The following CERT1 variants were observed in gnomAD, a reference collection of about 807,000 sequenced individuals.
CERT1 encodes ceramide transfer protein.
Under a neutral mutation model 87.9 loss-of-function variants are expected in CERT1, and 31 were observed. The observed-to-expected ratio is 0.35, with a 90% CI of 0.27 to 0.48. CERT1 has a LOEUF of 0.48. CERT1 is among the 20% of genes least tolerant of loss of function. The pLI is 0.99. For missense variants in CERT1, 487 were observed against 758.0 expected (o/e 0.64, Z 4.20); for synonymous variants, 289 against 250.9 (o/e 1.15, Z -1.44).
intron 2 of CERT1, among the ~76,000 whole-genome samples, chr5:75,497,259 T>A (rs1767120069): frequency 6.6e-6 from 1 of 152,196 alleles, no homozygotes; most frequent in Non-Finnish European, 1.5e-5. Flanking sequence ...TCTTTAATTT[T>A]TTAACTGTAG....
At position 75,451,859 on chromosome 5, in the gene CERT1, A is replaced by C. The variant is rs140379840; in HGVS notation, c.348+7206T>G. On this transcript the variant is annotated intron_variant, in intron 3 of 16. Transcript: ENST00000643780. ...AGAAAAAACACAGCAAATCAAACTG[A>C]CTCTGACAGAGCATGGGGGAAATAT... Among the ~76,000 whole-genome samples the C allele has an allele frequency of 8.0e-4, 122 of 152,238 alleles. 2 individuals carry two copies. The highest frequency in any genetic ancestry group is 2.8e-3 in the African/African-American group (117 of 41,540).
At chr5:75,460,321 A>T (rs1765171897) in intron 2 of CERT1, among the ~76,000 whole-genome samples, 1 of 152,206 alleles carries the variant, frequency 6.6e-6, no homozygotes, top group East Asian at 1.9e-4. Flanking sequence ...AGGCTTTTAC[A>T]TGTCTTTGAT....
Position 75,415,467 on chromosome 5 carries a change from G to A in CERT1, c.837+1409C>T, listed in dbSNP as rs73118898. Among the ~76,000 whole-genome samples, 368 of 152,256 alleles carry A rather than the reference G, an allele frequency of 2.4e-3. 1 individual carries two copies. Among genetic ancestry groups the A allele is most frequent in the African/African-American group, 8.8e-3 (364 of 41,550 alleles). On this transcript the variant is annotated intron_variant, in intron 7 of 16. Transcript: ENST00000643780. ...CCCAATAAAGAAAGAGAACTGGTAA[G>A]ATTAACAATGCTGAAAGCAATCAAA...
chr5:75,509,612 C>T (rs1465527894), intron 1 of CERT1, among the ~76,000 whole-genome samples: 1 of 151,980 alleles, frequency 6.6e-6, no homozygotes, highest in Non-Finnish European at 1.5e-5. Flanking sequence ...CTTTTTCCCC[C>T]GGTCACTCCA....
At chr5:75,396,196 G>A (rs545154969) in intron 11 of CERT1, among the ~76,000 whole-genome samples, 2 of 152,214 alleles carry the variant, frequency 1.3e-5, no homozygotes, top group African/African-American at 4.8e-5. Context: ...CTTCTGTATG[G>A]GAGCTGATAT....
chr5:75,407,510 T>A (rs1247314802), intron 8 of CERT1, among the ~76,000 whole-genome samples: 5 of 133,658 alleles, frequency 3.7e-5, no homozygotes, highest in African/African-American at 8.3e-5. Flanking sequence ...ATCTTCTAAA[T>A]CAATAGGGAA....
At chr5:75,424,951 A>T (rs1763545232) in intron 5 of CERT1, among the ~76,000 whole-genome samples, 1 of 151,940 alleles carries the variant, frequency 6.6e-6, no homozygotes, top group Admixed American at 6.6e-5. Flanking sequence ...CCGTCTCTAT[A>T]AAAAATAGAA....
At chr5:75,484,868 G>A (rs1380863117) in intron 2 of CERT1, among the ~76,000 whole-genome samples, 2 of 151,924 alleles carry the variant, frequency 1.3e-5, no homozygotes, top group African/African-American at 4.8e-5. Context: ...TAGACCAAAT[G>A]GACCTAAAAG....
rs80287358 is a variant in CERT1 at position 75,392,240 on chromosome 5, C to T, written c.1189-2553G>A. ...ATGCTGTTCCTTCAATGGTAGGCCA[C>T]GAGGGAGGCCCAGGTTCAATTTTCA... On this transcript the variant is annotated intron_variant, in intron 11 of 16. Transcript: ENST00000643780. Among the ~76,000 whole-genome samples, 10 of 152,246 alleles carry T rather than the reference C, an allele frequency of 6.6e-5. 1 individual carries two copies. In the East Asian group the frequency reaches 1.9e-3, roughly 29 times the overall value.
At chr5:75,510,435 C>A (rs5744534) in intron 1 of CERT1, among the ~76,000 whole-genome samples, 49 of 152,130 alleles carry the variant, frequency 3.2e-4, no homozygotes, top group African/African-American at 1.1e-3. Flanking sequence ...GACCCCTTAC[C>A]GCAAAAATAT....
chr5:75,420,785 A>G lies in CERT1; in HGVS notation c.596-1361T>C, dbSNP rs1398577849. Among the ~76,000 whole-genome samples the G allele has an allele frequency of 2.0e-5, 3 of 152,000 alleles. No individual in the cohort carries two copies. In the East Asian group the frequency reaches 5.8e-4, roughly 29 times the overall value. On this transcript the variant is annotated intron_variant, in intron 5 of 16. Coordinates refer to ENST00000643780, the MANE Select transcript of CERT1 (RefSeq NM_001379029.1). Reference sequence around the variant, plus strand: ...TGCAAATTCCTGCATCTTAGTTCCCAACATTATTTGCTGCTTTTATCAAGC... The same window carrying G: ...TGCAAATTCCTGCATCTTAGTTCCCGACATTATTTGCTGCTTTTATCAAGC...
chr5:75,470,551 C>CTTATCAATAGA (rs1295540777), intron 2 of CERT1, among the ~76,000 whole-genome samples: 2 of 152,080 alleles, frequency 1.3e-5, no homozygotes, highest in Admixed American at 1.3e-4. Context: ...AGAAAAAGCA[C>CTTATCAATAGA]TGGACAAAAT....
Position 75,426,363 on chromosome 5 carries a change from C to G in CERT1, c.456+8G>C, listed in dbSNP as rs772193946. 6 of 1,591,534 alleles carry G rather than the reference C, an allele frequency of 3.8e-6. No individual in the cohort carries two copies. In the Admixed American group the frequency reaches 1.0e-4, roughly 27 times the overall value. ...TTGTTTAACTTAAGGCATCCATTAACTACACACCTTGAATGAAGAGGTGGA... is the reference window on the plus strand; with the variant it reads ...TTGTTTAACTTAAGGCATCCATTAAGTACACACCTTGAATGAAGAGGTGGA... On this transcript the variant is annotated splice_region_variant and intron_variant, in intron 4 of 16. Coordinates refer to ENST00000643780, the MANE Select transcript of CERT1 (RefSeq NM_001379029.1).
rs565562083 is a variant in CERT1 at position 75,479,345 on chromosome 5, T to C, written c.232-20164A>G. 9.2e-5 allele frequency among the ~76,000 whole-genome samples: 14 copies of C among 152,232 alleles called. No individual in the cohort carries two copies. In the South Asian group the frequency reaches 2.3e-3, roughly 25 times the overall value. On this transcript the variant is annotated intron_variant, in intron 2 of 16. Transcript: ENST00000643780. ...GGGGTACATGTGAAGGTTTGTTACA[T>C]AGGTGAACTCTTACCACAGGGGTTT...
At chr5:75,465,265 G>T (rs1016383366) in intron 2 of CERT1, among the ~76,000 whole-genome samples, 1 of 152,184 alleles carries the variant, frequency 6.6e-6, no homozygotes, top group Admixed American at 6.5e-5. Context: ...CAGACACTTA[G>T]CACCACCATC....
chr5:75,374,967 T>C (rs1024081234), downstream of CERT1: 2 of 248,730 alleles, frequency 8.0e-6, no homozygotes, highest in Admixed American at 5.1e-5. Context: ...TGTATTTTCA[T>C]GGAGAAGAAA....
chr5:75,511,086 G>A (rs1166799876), intron 1 of CERT1, 26 bp downstream of exon 1: 2 of 1,522,782 alleles, frequency 1.3e-6, no homozygotes, highest in Non-Finnish European at 8.8e-7. Context: ...CTGGCCAGGG[G>A]TCCCTTGGCA....
At chr5:75,405,100 G>A (rs1004488711) in intron 8 of CERT1, among the ~76,000 whole-genome samples, 6 of 151,908 alleles carry the variant, frequency 3.9e-5, no homozygotes, top group African/African-American at 1.5e-4. Context: ...TTTGGGAGAG[G>A]AACTAAAGGA....
chr5:75,509,838 A>T (rs750382748), intron 1 of CERT1, among the ~76,000 whole-genome samples: 1 of 152,218 alleles, frequency 6.6e-6, no homozygotes, highest in Admixed American at 6.5e-5. Flanking sequence ...AGATTCCTAA[A>T]TTACAGGATA....
Sources: gnomAD v4.1 joint callset for allele counts (sites outside exome capture counted in the v4.1 genomes callset) on GRCh38, gnomAD v4.1.1 for gene constraint, MANE v1.5 for transcripts, NCBI Gene and HGNC (gene_info 2026-07-23, HGNC 2026-07-21) for gene names.